The following TMEM182 variants were observed in gnomAD, a reference collection of about 807,000 sequenced individuals.
TMEM182 encodes the protein transmembrane protein 182.
TMEM182 carries 20 observed loss-of-function variants against 26.8 expected under a neutral mutation model. That is an observed-to-expected ratio of 0.75 (90% CI 0.53 to 1.09). The LOEUF is 1.09. Among genes scored for constraint, TMEM182 ranks in the 50% least tolerant of loss-of-function variants. The pLI is 0.00. For missense variants in TMEM182, 277 were observed against 275.5 expected (o/e 1.01, Z -0.04); for synonymous variants, 109 against 102.2 (o/e 1.07, Z -0.40).
At position 102,738,852 on chromosome 2, in the gene TMEM182, T is replaced by C. The variant is rs183608394; in HGVS notation, c.-83+1839T>C. Among the ~76,000 whole-genome samples the C allele has an allele frequency of 7.8e-4, 119 of 152,280 alleles. 1 individual carries two copies. The highest frequency in any genetic ancestry group is 2.4e-4 in the Non-Finnish European group (16 of 68,020). ...AAAGATGGCCTATATTTAATGATGTTCAGATGCCAGAGTTTTCCTGGCAAA... is the reference window on the plus strand; with the variant it reads ...AAAGATGGCCTATATTTAATGATGTCCAGATGCCAGAGTTTTCCTGGCAAA... On this transcript the variant is annotated intron_variant, in intron 1 of 5. Coordinates refer to the TMEM182 transcript ENST00000409173.
At chr2:102,791,976 A>T (rs542149453) in intron 3 of TMEM182, among the ~76,000 whole-genome samples, 1 of 151,850 alleles carries the variant, frequency 6.6e-6, no homozygotes, top group African/African-American at 2.4e-5. Flanking sequence ...ATCCTCCAAA[A>T]ATTGCATAGG....
At chr2:102,775,572 T>TCA (rs1179844188) in intron 3 of TMEM182, 1 of 152,142 alleles carries the variant, frequency 6.6e-6, no homozygotes, top group African/African-American at 2.4e-5. Context: ...TAAAGGGTAT[T>TCA]CAGTTAGGAA....
At chr2:102,819,925 T>A (rs1216990433), downstream of TMEM182, among the ~76,000 whole-genome samples, 1 of 152,214 alleles carries the variant, frequency 6.6e-6, no homozygotes, top group African/African-American at 2.4e-5. Context: ...AATGAACTAG[T>A]CATGTTTTCC....
intron 3 of TMEM182, among the ~76,000 whole-genome samples, chr2:102,831,033 G>T (rs1254902585): frequency 6.6e-6 from 1 of 152,166 alleles, no homozygotes; most frequent in Non-Finnish European, 1.5e-5. Context: ...GAAATGACTG[G>T]ATCTTATTCT....
chr2:102,814,492 C>T (rs1682669281), intron 4 of TMEM182, among the ~76,000 whole-genome samples: 1 of 152,276 alleles, frequency 6.6e-6, no homozygotes, highest in Admixed American at 6.5e-5. Flanking sequence ...CAGTCCTTGG[C>T]ACCCAGGAAA....
chr2:102,841,537 C>T (rs548455221), intron 3 of TMEM182, among the ~76,000 whole-genome samples: 24 of 152,258 alleles, frequency 1.6e-4, no homozygotes, highest in African/African-American at 5.5e-4. Context: ...AGACAGGCTC[C>T]GCAGCAATGA....
chr2:102,798,697 C>T (rs1681986249), intron 4 of TMEM182, among the ~76,000 whole-genome samples: 2 of 151,998 alleles, frequency 1.3e-5, no homozygotes, highest in Admixed American at 6.6e-5. Context: ...AAAAATTAGC[C>T]AGGCGTGGTG....
chr2:102,781,132 A>G (rs1681150860), intron 3 of TMEM182, among the ~76,000 whole-genome samples: 1 of 152,180 alleles, frequency 6.6e-6, no homozygotes, highest in Non-Finnish European at 1.5e-5. Flanking sequence ...TACTAGAAGG[A>G]ATAGGGTCAA....
At position 102,740,112 on chromosome 2, in the gene TMEM182, A is replaced by T. The variant is rs1169480770; in HGVS notation, c.-83+3099A>T. Among the ~76,000 whole-genome samples the T allele has an allele frequency of 3.3e-5, 5 of 152,224 alleles. No homozygotes were observed. The South Asian group carries it at 6.2e-4, about 19-fold the overall frequency. ...AACTGGGAGACTAGATATTATTAAGATGACCATTCTCATTTATGGTGTACT... is the reference window on the plus strand; with the variant it reads ...AACTGGGAGACTAGATATTATTAAGTTGACCATTCTCATTTATGGTGTACT... On this transcript the variant is annotated intron_variant, in intron 1 of 5. Coordinates refer to the TMEM182 transcript ENST00000409173.
rs779250020 is a variant in TMEM182 at position 102,762,600 on chromosome 2, CTT to C, written c.149_150del (p.Phe50SerfsTer3). 3.7e-6 allele frequency: 6 copies of C among 1,613,738 alleles called. No individual in the cohort carries two copies. Among genetic ancestry groups the C allele is most frequent in the Non-Finnish European group, 4.2e-6 (5 of 1,179,832 alleles). On this transcript the variant is annotated frameshift_variant, in exon 2 of 5. Coordinates refer to ENST00000412401, the MANE Select transcript of TMEM182 (RefSeq NM_144632.5). LOFTEE classifies it high-confidence loss of function. ...TGTTCTGTGCAGATAGAGAACGTCACTTTTCACCATGAAGGGTTCTTCTGGAG... is the reference window on the plus strand; with the variant it reads ...TGTTCTGTGCAGATAGAGAACGTCACTTCACCATGAAGGGTTCTTCTGGAG...
At chr2:102,822,588 A>G (rs1478126591), downstream of TMEM182, among the ~76,000 whole-genome samples, 1 of 152,116 alleles carries the variant, frequency 6.6e-6, no homozygotes, top group African/African-American at 2.4e-5. Flanking sequence ...GAGAGTGGAA[A>G]AGGTTGTTGT....
At chr2:102,748,724 T>C (rs1679788636) in intron 1 of TMEM182, among the ~76,000 whole-genome samples, 1 of 152,220 alleles carries the variant, frequency 6.6e-6, no homozygotes, top group Non-Finnish European at 1.5e-5. Flanking sequence ...CTTCTCGTCT[T>C]TTTCTCTGTC....
chr2:102,769,205 T>C (rs1680579383), intron 3 of TMEM182, among the ~76,000 whole-genome samples: 1 of 152,112 alleles, frequency 6.6e-6, no homozygotes, highest in African/African-American at 2.4e-5. Flanking sequence ...AGAAGGGAAA[T>C]GGAGAAAGCC....
intron 4 of TMEM182, among the ~76,000 whole-genome samples, chr2:102,809,424 A>G (rs1054186016): frequency 4.6e-5 from 7 of 152,180 alleles, no homozygotes; most frequent in Admixed American, 2.0e-4. Context: ...TGCTATCCTT[A>G]GCACACTTAC....
At chr2:102,810,766 A>G (rs972429630) in intron 4 of TMEM182, among the ~76,000 whole-genome samples, 1 of 152,282 alleles carries the variant, frequency 6.6e-6, no homozygotes, top group African/African-American at 2.4e-5. Context: ...TCAATTGGAA[A>G]TAAATGTGTG....
At chr2:102,743,832 C>T (rs757435237) in intron 1 of TMEM182, among the ~76,000 whole-genome samples, 11 of 152,128 alleles carry the variant, frequency 7.2e-5, no homozygotes, top group South Asian at 4.2e-4. Flanking sequence ...TCAGACAAGA[C>T]GTATTTCAAA....
intron 1 of TMEM182, among the ~76,000 whole-genome samples, chr2:102,745,810 C>T (rs1422451452): frequency 1.3e-5 from 2 of 152,128 alleles, no homozygotes; most frequent in East Asian, 1.9e-4. Context: ...TTCCCAATAA[C>T]GTTCCACTTA....
chr2:102,815,081 C>G lies in TMEM182; in HGVS notation c.*113C>G. The G allele has an allele frequency of 6.8e-7, 1 of 1,460,318 alleles. No individual in the cohort carries two copies. Among genetic ancestry groups the G allele is most frequent in the Non-Finnish European group, 9.0e-7 (1 of 1,113,368 alleles). The allele number at this position is 1,460,318 out of a possible 1,614,324, so 90.5% of individuals were successfully genotyped here. ...GTTAGTAGATATAACTTTTTAGTTG[C>G]TATTCAAATTAATCATTTTACTAAA... On this transcript the variant is annotated 3_prime_UTR_variant, in exon 5 of 5. Coordinates refer to ENST00000412401, the MANE Select transcript of TMEM182 (RefSeq NM_144632.5).
At chr2:102,782,500 T>C (rs1442382916) in intron 3 of TMEM182, among the ~76,000 whole-genome samples, 1 of 152,186 alleles carries the variant, frequency 6.6e-6, no homozygotes, top group African/African-American at 2.4e-5. Flanking sequence ...GCTCATATTT[T>C]ATGCAATCAT....
Sources: gnomAD v4.1 joint callset for allele counts (sites outside exome capture counted in the v4.1 genomes callset) on GRCh38, gnomAD v4.1.1 for gene constraint, MANE v1.5 for transcripts, NCBI Gene and HGNC (gene_info 2026-07-23, HGNC 2026-07-21) for gene names.